GPATCH2L: variants seen among roughly 807,000 people sequenced by gnomAD.
The protein encoded by GPATCH2L is G-patch domain containing 2 like, also known as G patch domain-containing protein 2-like.
A neutral mutation model predicts 57.4 loss-of-function variants in GPATCH2L; 31 were observed. The observed-to-expected ratio is 0.54, with a 90% confidence interval of 0.41 to 0.73. The LOEUF (loss-of-function observed/expected upper bound fraction) is 0.73, where lower values mean the gene tolerates loss of function less well. GPATCH2L is among the 30% of genes least tolerant of loss of function. The probability of loss-of-function intolerance (pLI) is 0.00; values close to 1 mark genes in which losing one functional copy is unlikely to be tolerated. For synonymous variants in GPATCH2L, 199 were observed against 210.7 expected (o/e 0.94, Z 0.48); for missense variants, 481 against 599.9 (o/e 0.80, Z 2.07).
At chr14:76,189,287 G>T (rs536750045) in intron 8 of GPATCH2L, among the ~76,000 whole-genome samples, 7 of 151,496 alleles carry the variant, frequency 4.6e-5, no homozygotes, top group African/African-American at 1.7e-4. Flanking sequence ...CTGTAGATTG[G>T]TTTGGCTAGT....
chr14:76,176,735 A>G, intron 6 of GPATCH2L, 45 bp downstream of exon 6: 1 of 1,303,324 alleles, frequency 7.7e-7, no homozygotes, highest in Non-Finnish European at 1.1e-6. Context: ...TGCTCCTTGG[A>G]GGAGGAGGCA....
rs2040465872 is a variant in GPATCH2L at position 76,213,662 on chromosome 14, C to T, written c.*11811C>T. On this transcript the variant is annotated 3_prime_UTR_variant, in exon 10 of 10. Transcript: ENST00000261530. Reference sequence around the variant, plus strand: ...AGCCTGACACAGAGCCCCCTCTTCACATTCTCAGGGGCTCTTGATCCAAAA... The same window carrying T: ...AGCCTGACACAGAGCCCCCTCTTCATATTCTCAGGGGCTCTTGATCCAAAA... The T allele has an allele frequency of 6.6e-6, 1 of 152,148 alleles. No homozygotes were observed. Among genetic ancestry groups the T allele is most frequent in the South Asian group, 2.1e-4 (1 of 4,826 alleles). 9.4% of individuals were successfully genotyped at this position (152,148 alleles called of 1,614,324 possible).
intron 4 of GPATCH2L, 93 bp from the exon 5 acceptor site, chr14:76,173,453 G>A: frequency 1.4e-6 from 1 of 729,776 alleles, no homozygotes; most frequent in East Asian, 2.5e-5. Context: ...AATCTATTAA[G>A]ATCCTGGGGG....
intron 1 of GPATCH2L, among the ~76,000 whole-genome samples, chr14:76,226,894 T>C (rs138335288): frequency 6.6e-6 from 1 of 152,344 alleles, no homozygotes; most frequent in East Asian, 1.9e-4. Context: ...TGTACACTTA[T>C]GATTGTGCAT....
rs1198734986 is a variant in GPATCH2L, at chr14:76,205,640, C to CTGTA, written c.*3791_*3794dup. On this transcript the variant is annotated 3_prime_UTR_variant, in exon 10 of 10. Coordinates refer to ENST00000261530, the MANE Select transcript of GPATCH2L (RefSeq NM_017926.4). The stretch of plus-strand genomic sequence containing the variant: ...CATGTTGTAGTTAGAGACACTGTAG[C>CTGTA]TGTATCTGTATACCTGTAATATAGC... 6.6e-6 allele frequency: 1 copy of CTGTA among 152,192 alleles called. No individual in the cohort carries two copies. The highest frequency in any genetic ancestry group is 1.5e-5 in the Non-Finnish European group (1 of 68,042). 9.4% of individuals were successfully genotyped at this position (152,192 alleles called of 1,614,324 possible).
At position 76,154,144 on chromosome 14, in the gene GPATCH2L, A is replaced by C. The variant is rs3742762; in HGVS notation, c.-10-210A>C. ...GACTTCAGGCATTTAACAAGGGACA[A>C]AACATCTATTTTTAGTGACTTAAGG... On this transcript the variant is annotated intron_variant, in intron 1 of 9. Transcript: ENST00000261530. This position sits in a 1 kb window ranked among gnomAD's most constrained non-coding sequence, Gnocchi z 4.4. The C allele has an allele frequency of 1.1e-3, 497 of 464,716 alleles. 5 individuals are homozygous for C. In the East Asian group the frequency reaches 0.015, roughly 14 times the overall value. The allele number at this position is 464,716 out of a possible 1,614,324, so 28.8% of individuals were successfully genotyped here.
At chr14:76,219,105 C>G (rs1175462286), downstream of GPATCH2L, among the ~76,000 whole-genome samples, 2 of 151,154 alleles carry the variant, frequency 1.3e-5, no homozygotes, top group African/African-American at 4.9e-5. Flanking sequence ...GAAAAGATTG[C>G]TGGATTAGAC....
At chr14:76,182,117 G>A (rs1452176777) in intron 8 of GPATCH2L, among the ~76,000 whole-genome samples, 1 of 152,098 alleles carries the variant, frequency 6.6e-6, no homozygotes, top group Non-Finnish European at 1.5e-5. Context: ...CAGCACTTTG[G>A]GAGGCCGAGG....
chr14:76,235,086 TG>T (rs1370994841), intron 2 of GPATCH2L, among the ~76,000 whole-genome samples: 2 of 150,344 alleles, frequency 1.3e-5, no homozygotes, highest in Non-Finnish European at 1.5e-5. Flanking sequence ...GAGAATTGCT[TG>T]AACCCAGGAG....
At chr14:76,160,861 C>CT (rs2038549814) in intron 2 of GPATCH2L, among the ~76,000 whole-genome samples, 1 of 152,184 alleles carries the variant, frequency 6.6e-6, no homozygotes, top group African/African-American at 2.4e-5. Flanking sequence ...GTGGACTTCT[C>CT]TGAGGCACAG....
rs1206531294 is a variant in GPATCH2L, at chr14:76,221,296, G to A, written c.66-8512G>A. Among the ~76,000 whole-genome samples the A allele has an allele frequency of 2.6e-5, 4 of 152,158 alleles. No homozygotes were observed. The East Asian group carries it at 7.7e-4, about 29-fold the overall frequency. ...CATCAGAATAAAATAATAATGAGAT[G>A]CCATGACATACCTATTACAATGGTG... On this transcript the variant is annotated intron_variant and NMD_transcript_variant, in intron 1 of 3. Coordinates refer to the GPATCH2L transcript ENST00000556372.
chr14:76,153,795 A>G (rs774248436), intron 1 of GPATCH2L: 1 of 152,236 alleles, frequency 6.6e-6, no homozygotes, highest in Non-Finnish European at 1.5e-5. Context: ...AAATGGTGTC[A>G]CTAAGTTGTC....
rs2139834867 is a variant in GPATCH2L, at chr14:76,204,973, T to C, written c.*3122T>C. ...TGTTGCCTTTTGTTGTTGTTGTTGTTGTTGTTGTTTCCTAGAGACAGGTTC... is the reference window on the plus strand; with the variant it reads ...TGTTGCCTTTTGTTGTTGTTGTTGTCGTTGTTGTTTCCTAGAGACAGGTTC... On this transcript the variant is annotated 3_prime_UTR_variant, in exon 10 of 10. Transcript: ENST00000261530. 6.6e-6 allele frequency: 1 copy of C among 152,290 alleles called. No homozygotes were observed. The highest frequency in any genetic ancestry group is 1.5e-5 in the Non-Finnish European group (1 of 68,034). The allele number at this position is 152,290 out of a possible 1,614,324, so 9.4% of individuals were successfully genotyped here. A position where few individuals can be genotyped will look rare whatever the true frequency, so the allele number is the denominator to read the frequency against.
intron 6 of GPATCH2L, among the ~76,000 whole-genome samples, chr14:76,177,616 T>C (rs748260436): frequency 1.4e-4 from 22 of 152,066 alleles, no homozygotes; most frequent in Non-Finnish European, 2.4e-4. Flanking sequence ...TGAGAGATCA[T>C]TGGTGTCACA....
chr14:76,196,821 A>T (rs917195011), intron 9 of GPATCH2L, among the ~76,000 whole-genome samples: 1 of 152,134 alleles, frequency 6.6e-6, no homozygotes, highest in East Asian at 1.9e-4. Context: ...CCTCACACAG[A>T]TGGGGAGGGA....
chr14:76,202,297 A>G lies in GPATCH2L; in HGVS notation c.*446A>G, dbSNP rs2040323418. 6.5e-6 allele frequency: 1 copy of G among 153,450 alleles called. No individual in the cohort carries two copies. Among genetic ancestry groups the G allele is most frequent in the African/African-American group, 2.4e-5 (1 of 41,454 alleles). The allele number at this position is 153,450 out of a possible 1,614,324, so 9.5% of individuals were successfully genotyped here. The stretch of plus-strand genomic sequence containing the variant: ...AATATTGAGTTGAGACCTGTATGGA[A>G]TTGTGTTCGCAGGAGATAAGGCTTG... On this transcript the variant is annotated 3_prime_UTR_variant, in exon 10 of 10. Coordinates refer to ENST00000261530, the MANE Select transcript of GPATCH2L (RefSeq NM_017926.4).
intron 5 of GPATCH2L, 59 bp from the exon 6 acceptor site, chr14:76,176,564 G>A (rs1349598773): frequency 4.3e-6 from 5 of 1,164,638 alleles, no homozygotes; most frequent in Non-Finnish European, 6.5e-6. Context: ...GATTGATATT[G>A]TACTTTATAT....
intron 2 of GPATCH2L, among the ~76,000 whole-genome samples, chr14:76,231,640 C>CACAT (rs1324939310): frequency 6.6e-6 from 1 of 151,744 alleles, no homozygotes; most frequent in South Asian, 2.1e-4. Flanking sequence ...CACACACACA[C>CACAT]ACACACACAC....
intron 1 of GPATCH2L, among the ~76,000 whole-genome samples, chr14:76,229,534 T>C (rs1201413331): frequency 4.6e-5 from 7 of 152,170 alleles, no homozygotes; most frequent in African/African-American, 1.4e-4. Context: ...CATTAGTCCC[T>C]CCACATGTTA....
Sources: gnomAD v4.1 joint callset for allele counts (sites outside exome capture counted in the v4.1 genomes callset) on GRCh38, gnomAD v4.1.1 for gene constraint, Gnocchi (gnomAD v3.1) non-coding constraint, MANE v1.5 for transcripts, NCBI Gene and HGNC (gene_info 2026-07-23, HGNC 2026-07-21) for gene names.